Variants in XKR6 observed in about 807,000 individuals in gnomAD.
XKR6 encodes the protein XK-related protein 6.
XKR6 carries 22 observed loss-of-function variants against 56.7 expected under a neutral mutation model. The ratio of observed to expected loss-of-function variants is 0.39; its 90% CI spans 0.28 to 0.55. The LOEUF (loss-of-function observed/expected upper bound fraction) is 0.55. Ranked by LOEUF, XKR6 falls within the 20% of genes least tolerant of loss-of-function variation. XKR6 has a pLI of 0.66. For synonymous variants in XKR6, 524 were observed against 387.8 expected, an observed-to-expected ratio of 1.35 and a Z score of -4.13; for missense variants, 852 against 889.0, an observed-to-expected ratio of 0.96 and a Z score of 0.53.
intron 1 of XKR6, among the ~76,000 whole-genome samples, chr8:11,146,354 G>A (rs1800980310): frequency 6.6e-6 from 1 of 152,178 alleles, no homozygotes; most frequent in South Asian, 2.1e-4. Context: ...GGCTAAGTGT[G>A]GTGGCTCATG....
At chr8:10,988,800 A>G (rs555140794) in intron 1 of XKR6, among the ~76,000 whole-genome samples, 4 of 152,350 alleles carry the variant, frequency 2.6e-5, no homozygotes, top group South Asian at 4.1e-4. Flanking sequence ...AAACATGTGA[A>G]CCATGATTCT....
intron 1 of XKR6, among the ~76,000 whole-genome samples, chr8:10,955,204 G>A (rs1408453160): frequency 6.6e-6 from 1 of 152,020 alleles, no homozygotes; most frequent in East Asian, 1.9e-4. Context: ...ATATCTACTT[G>A]TGATTATGGC....
At chr8:11,096,461 AC>A (rs1387367769) in intron 1 of XKR6, among the ~76,000 whole-genome samples, 1 of 152,252 alleles carries the variant, frequency 6.6e-6, no homozygotes, top group East Asian at 1.9e-4. Flanking sequence ...TTTGCAGTGA[AC>A]ATGTATTATG....
chr8:11,150,336 T>A (rs1383476957), intron 1 of XKR6, among the ~76,000 whole-genome samples: 1 of 152,188 alleles, frequency 6.6e-6, no homozygotes, highest in Non-Finnish European at 1.5e-5. Flanking sequence ...AAACACCACA[T>A]GTACCCCATG....
At chr8:10,953,052 G>A (rs1271557651) in intron 1 of XKR6, among the ~76,000 whole-genome samples, 2 of 152,296 alleles carry the variant, frequency 1.3e-5, no homozygotes, top group Non-Finnish European at 2.9e-5. Context: ...GGACCATCTA[G>A]TTGTAGGAAA....
At chr8:11,043,306 T>G (rs978346663) in intron 1 of XKR6, among the ~76,000 whole-genome samples, 1 of 152,104 alleles carries the variant, frequency 6.6e-6, no homozygotes, top group Non-Finnish European at 1.5e-5. Context: ...GAGTCTCCCC[T>G]GCAGCAGGAA....
intron 1 of XKR6, among the ~76,000 whole-genome samples, chr8:11,178,606 T>C (rs1563197972): frequency 1.8e-5 from 2 of 109,894 alleles, no homozygotes; most frequent in Non-Finnish European, 3.7e-5. Context: ...CACACACAAA[T>C]ATATATATAT....
intron 1 of XKR6, among the ~76,000 whole-genome samples, chr8:11,025,084 C>G (rs1419931069): frequency 2.6e-5 from 4 of 152,188 alleles, no homozygotes; most frequent in Admixed American, 6.5e-5. Context: ...TCTACGAGGC[C>G]TTGGAGCCGA....
chr8:10,899,035 G>C, intron 2 of XKR6, 119 bp from the exon 3 acceptor site: 1 of 1,436,590 alleles, frequency 7.0e-7, no homozygotes, highest in South Asian at 1.4e-5. Flanking sequence ...GAGGGAGAAA[G>C]AAACACAGAA....
rs139286328 is a variant in XKR6, at chr8:10,959,397, C to G, written c.765-34567G>C. 8.4e-4 allele frequency among the ~76,000 whole-genome samples: 128 copies of G among 152,258 alleles called. 2 individuals carry two copies. Among genetic ancestry groups the G allele is most frequent in the South Asian group, 2.1e-3 (10 of 4,822 alleles). ...TGGTTTTGGCCAGTATCTTAATCAG[C>G]TCTGGTTGCTATAACAAAATACCCC... On this transcript the variant is annotated intron_variant, in intron 1 of 2. Coordinates refer to ENST00000416569, the MANE Select transcript of XKR6 (RefSeq NM_173683.4).
At chr8:11,117,943 G>C (rs1799259545) in intron 1 of XKR6, among the ~76,000 whole-genome samples, 1 of 152,106 alleles carries the variant, frequency 6.6e-6, no homozygotes, top group Non-Finnish European at 1.5e-5. Context: ...GACGCTAACA[G>C]AGTGACAGGG....
chr8:10,906,421 G>T (rs1054181944), intron 2 of XKR6, among the ~76,000 whole-genome samples: 1 of 152,206 alleles, frequency 6.6e-6, no homozygotes, highest in Non-Finnish European at 1.5e-5. Flanking sequence ...TTCACATGCA[G>T]GGCACTACCT....
At chr8:10,966,053 G>C (rs1802212773) in intron 1 of XKR6, among the ~76,000 whole-genome samples, 1 of 152,010 alleles carries the variant, frequency 6.6e-6, no homozygotes, top group Non-Finnish European at 1.5e-5. Flanking sequence ...TCAAACCTCG[G>C]GTACATCCAG....
intron 1 of XKR6, among the ~76,000 whole-genome samples, chr8:11,194,276 C>T (rs2117142861): frequency 6.6e-6 from 1 of 152,288 alleles, no homozygotes; most frequent in South Asian, 2.1e-4. Flanking sequence ...TATGAGGAAA[C>T]TGAGGCCAGT....
chr8:10,924,556 C>G, intron 2 of XKR6, 78 bp downstream of exon 2: 2 of 1,519,494 alleles, frequency 1.3e-6, no homozygotes. Context: ...GTGCCAGGCA[C>G]GAAGTGTGTG....
In XKR6 at chr8:11,168,191, C is replaced by T. The variant is rs576374341; in HGVS notation, c.764+32385G>A. On this transcript the variant is annotated intron_variant, in intron 1 of 2. Transcript: ENST00000416569. Reference sequence around the variant, plus strand: ...AAAAAGTATAGCCCATTCAAAGGAACGAAATTAACTGACAGAACATGTCCC... The same window carrying T: ...AAAAAGTATAGCCCATTCAAAGGAATGAAATTAACTGACAGAACATGTCCC... 8.5e-5 allele frequency among the ~76,000 whole-genome samples: 13 copies of T among 152,214 alleles called. No homozygotes were observed. The East Asian group carries it at 1.5e-3, about 18-fold the overall frequency.
chr8:10,941,712 G>A (rs1276013026), intron 1 of XKR6, among the ~76,000 whole-genome samples: 1 of 152,216 alleles, frequency 6.6e-6, no homozygotes. Flanking sequence ...GTGGCCTGGG[G>A]GCTCATGGGT....
intron 1 of XKR6, among the ~76,000 whole-genome samples, chr8:11,024,012 G>A (rs117974396): frequency 1.3e-5 from 2 of 152,268 alleles, no homozygotes; most frequent in African/African-American, 2.4e-5. Context: ...CTTCACATGC[G>A]TCACAACACC....
chr8:10,984,175 A>T (rs1388089929), intron 1 of XKR6, among the ~76,000 whole-genome samples: 3 of 152,236 alleles, frequency 2.0e-5, no homozygotes, highest in Non-Finnish European at 4.4e-5. Flanking sequence ...TATTACCATA[A>T]CTTTACATAT....
Sources: allele counts gnomAD v4.1 joint callset (sites outside exome capture counted in the v4.1 genomes callset), GRCh38; gene constraint gnomAD v4.1.1; transcripts MANE v1.5; gene names NCBI Gene and HGNC (gene_info 2026-07-23, HGNC 2026-07-21).